Variants in RALYL observed in about 807,000 individuals in gnomAD.
RALYL encodes RNA-binding Raly-like protein.
Under a neutral mutation model 35.1 loss-of-function variants are expected in RALYL, and 29 were observed. The ratio of observed to expected loss-of-function variants is 0.83; its 90% CI spans 0.61 to 1.13. The LOEUF is 1.13. RALYL is among the 50% of genes most tolerant of loss of function. RALYL has a pLI of 0.00. For synonymous variants in RALYL, 120 were observed against 127.6 expected (o/e 0.94, Z 0.40); for missense variants, 359 against 360.4 (o/e 1.00, Z 0.03).
chr8:84,512,703 T>C (rs2057724509), intron 1 of RALYL, among the ~76,000 whole-genome samples: 1 of 152,250 alleles, frequency 6.6e-6, no homozygotes, highest in Admixed American at 6.5e-5. Context: ...GGTTTATTTT[T>C]GTGTATGATA....
At chr8:84,711,860 T>C (rs1027694630) in intron 2 of RALYL, among the ~76,000 whole-genome samples, 5 of 152,214 alleles carry the variant, frequency 3.3e-5, no homozygotes, top group South Asian at 2.1e-4. Flanking sequence ...CAAATACTTA[T>C]GTTGATACCA....
chr8:84,856,794 C>T (rs1837082192), intron 5 of RALYL, among the ~76,000 whole-genome samples: 1 of 150,508 alleles, frequency 6.6e-6, no homozygotes, highest in Non-Finnish European at 1.5e-5. Context: ...TTTGGGAGGC[C>T]GAGGCGGGTG....
intron 2 of RALYL, among the ~76,000 whole-genome samples, chr8:84,640,115 T>G (rs1219191367): frequency 1.3e-5 from 2 of 151,942 alleles, no homozygotes; most frequent in African/African-American, 4.8e-5. Context: ...TCAAAGATGT[T>G]AAAAGGCTCA....
chr8:84,392,316 T>G (rs974755408), intron 1 of RALYL, among the ~76,000 whole-genome samples: 1 of 152,042 alleles, frequency 6.6e-6, no homozygotes, highest in Non-Finnish European at 1.5e-5. Context: ...ATTAGGTTAA[T>G]CCACTAAAGA....
intron 2 of RALYL, among the ~76,000 whole-genome samples, chr8:84,749,516 G>A (rs1809442334): frequency 6.6e-6 from 1 of 152,116 alleles, no homozygotes; most frequent in Admixed American, 6.6e-5. Context: ...TATGAAAGAG[G>A]TAAACCTAAA....
At chr8:84,858,752 T>G (rs1837531395) in intron 5 of RALYL, among the ~76,000 whole-genome samples, 1 of 152,184 alleles carries the variant, frequency 6.6e-6, no homozygotes. Context: ...TCCCTCTATA[T>G]TTTGAAGAAC....
At chr8:84,908,500 G>A (rs1384362282) in intron 8 of RALYL, among the ~76,000 whole-genome samples, 1 of 152,122 alleles carries the variant, frequency 6.6e-6, no homozygotes, top group East Asian at 1.9e-4. Flanking sequence ...TGTCCTCCAG[G>A]CTTATCCATG....
chr8:84,747,469 T>C (rs1394755287), intron 2 of RALYL, among the ~76,000 whole-genome samples: 1 of 151,884 alleles, frequency 6.6e-6, no homozygotes, highest in East Asian at 1.9e-4. Flanking sequence ...GTTAATCTCA[T>C]TTACAGAGAG....
chr8:84,468,376 A>G (rs2133598279), intron 1 of RALYL, among the ~76,000 whole-genome samples: 1 of 151,576 alleles, frequency 6.6e-6, no homozygotes, highest in South Asian at 2.1e-4. Flanking sequence ...TTGTCTGTAA[A>G]GTATTTTATT....
intron 1 of RALYL, among the ~76,000 whole-genome samples, chr8:84,469,896 G>A (rs1490614276): frequency 1.3e-5 from 2 of 152,182 alleles, no homozygotes; most frequent in African/African-American, 4.8e-5. Context: ...GGAGTGACCC[G>A]ATTTTCCAGG....
intron 4 of RALYL, 62 bp downstream of exon 4, chr8:84,804,864 G>A: frequency 1.1e-6 from 1 of 874,784 alleles, no homozygotes; most frequent in Non-Finnish European, 1.5e-6. Context: ...AAGAACTTCT[G>A]AGATGGTATT....
chr8:84,879,511 C>T (rs1841807538), intron 7 of RALYL, among the ~76,000 whole-genome samples: 1 of 151,910 alleles, frequency 6.6e-6, no homozygotes, highest in Admixed American at 6.6e-5. Context: ...GATTATAGGA[C>T]CAAGAACTGA....
At chr8:84,617,834 G>T (rs1441152822) in intron 2 of RALYL, among the ~76,000 whole-genome samples, 1 of 151,666 alleles carries the variant, frequency 6.6e-6, no homozygotes, top group Admixed American at 6.6e-5. Flanking sequence ...GGCCTTTTCT[G>T]CATCTATTGA....
rs549777437 is a variant in RALYL, at chr8:84,663,101, G to C, written c.257-111478G>C. On this transcript the variant is annotated intron_variant, in intron 2 of 8. Transcript: ENST00000521268. ...ATGTGGTGTTTGGTTTTCTGTTCCT[G>C]TGTTAGTTTGCCAAGGATAATGGAT... Among the ~76,000 whole-genome samples, 5 of 152,206 alleles carry C rather than the reference G, an allele frequency of 3.3e-5. No individual in the cohort carries two copies. The South Asian group carries it at 8.3e-4, about 25-fold the overall frequency.
At chr8:84,487,537 T>C (rs776187433) in intron 1 of RALYL, among the ~76,000 whole-genome samples, 14 of 152,094 alleles carry the variant, frequency 9.2e-5, no homozygotes, top group Non-Finnish European at 2.1e-4. Context: ...AGTTTTTAAA[T>C]ATATGATAGG....
chr8:84,613,375 G>A (rs1242391869), intron 2 of RALYL, among the ~76,000 whole-genome samples: 1 of 151,396 alleles, frequency 6.6e-6, no homozygotes, highest in Non-Finnish European at 1.5e-5. Context: ...CACAAAATTT[G>A]GGCAGAAAGC....
At chr8:84,785,998 T>C (rs951225011) in intron 3 of RALYL, among the ~76,000 whole-genome samples, 3 of 152,138 alleles carry the variant, frequency 2.0e-5, no homozygotes, top group South Asian at 4.1e-4. Flanking sequence ...TCACCGCCCA[T>C]AGGCCCGAGT....
intron 8 of RALYL, among the ~76,000 whole-genome samples, chr8:84,889,304 A>T (rs2135440359): frequency 6.6e-6 from 1 of 152,290 alleles, no homozygotes; most frequent in East Asian, 1.9e-4. Flanking sequence ...TCAGGATTCC[A>T]TTGTGACTAC....
intron 2 of RALYL, among the ~76,000 whole-genome samples, chr8:84,683,368 C>A (rs868012511): frequency 6.6e-6 from 1 of 152,104 alleles, no homozygotes; most frequent in South Asian, 2.1e-4. Context: ...CTGCTTGGTG[C>A]AGAGCTGAGT....
Sources: gnomAD v4.1 joint callset for allele counts (sites outside exome capture counted in the v4.1 genomes callset) on GRCh38, gnomAD v4.1.1 for gene constraint, MANE v1.5 for transcripts, NCBI Gene and HGNC (gene_info 2026-07-23, HGNC 2026-07-21) for gene names.